The following XKR4 variants were observed in gnomAD, a reference collection of about 807,000 sequenced individuals.
The protein encoded by XKR4 is XK-related protein 4.
XKR4 carries 12 observed loss-of-function variants against 53.9 expected under a neutral mutation model. The ratio of observed to expected loss-of-function variants is 0.22; its 90% confidence interval spans 0.14 to 0.36. XKR4 has a LOEUF of 0.36. Ranked by LOEUF, XKR4 falls within the 10% of genes least tolerant of loss-of-function variation. The probability of loss-of-function intolerance (pLI) is 1.00; values close to 1 mark genes in which losing one functional copy is unlikely to be tolerated. For synonymous variants in XKR4, 354 were observed against 362.4 expected (o/e 0.98, Z 0.26); for missense variants, 799 against 859.5 (o/e 0.93, Z 0.88).
In XKR4 at chr8:55,255,500, G is replaced by T. The variant is rs138383810; in HGVS notation, c.807-102178G>T. ...AATTTATTGTGAATTTCATGAAGGC[G>T]AAGACTGGGTCTTTTGTCTTTGGAT... On this transcript the variant is annotated intron_variant, in intron 1 of 2. Transcript: ENST00000327381. 4.1e-3 allele frequency among the ~76,000 whole-genome samples: 626 copies of T among 152,198 alleles called. 8 individuals are homozygous for T. Among genetic ancestry groups the T allele is most frequent in the African/African-American group, 0.014 (586 of 41,542 alleles).
Position 55,280,512 on chromosome 8 carries a change from C to T in XKR4, c.807-77166C>T, listed in dbSNP as rs116325446. Among the ~76,000 whole-genome samples, 1,389 of 152,252 alleles carry T rather than the reference C, an allele frequency of 9.1e-3. 16 individuals are homozygous for T. Among genetic ancestry groups the T allele is most frequent in the African/African-American group, 0.031 (1,277 of 41,540 alleles). Reference sequence around the variant, plus strand: ...CCTCTAGTCCTATGTGCATCTATCCCCCTCATCTTTCCATGATGATGAGAC... The same window carrying T: ...CCTCTAGTCCTATGTGCATCTATCCTCCTCATCTTTCCATGATGATGAGAC... On this transcript the variant is annotated intron_variant, in intron 1 of 2. Coordinates refer to ENST00000327381, the MANE Select transcript of XKR4 (RefSeq NM_052898.2).
At chr8:55,112,619 G>A (rs1184967498) in intron 1 of XKR4, among the ~76,000 whole-genome samples, 1 of 112,522 alleles carries the variant, frequency 8.9e-6, no homozygotes, top group African/African-American at 3.4e-5. Context: ...TCAAAGCAAA[G>A]GTAGCAATCG....
At chr8:55,359,996 C>G (rs1803876111) in intron 2 of XKR4, among the ~76,000 whole-genome samples, 1 of 152,116 alleles carries the variant, frequency 6.6e-6, no homozygotes, top group Non-Finnish European at 1.5e-5. Context: ...TCGTCCTTAG[C>G]CAAGGCAAGC....
At chr8:55,344,118 C>T (rs1803599438) in intron 1 of XKR4, among the ~76,000 whole-genome samples, 2 of 152,152 alleles carry the variant, frequency 1.3e-5, no homozygotes, top group African/African-American at 4.8e-5. Flanking sequence ...CACAACACCC[C>T]AAGTTGTTAT....
chr8:55,515,395 T>C (rs1806696888), intron 2 of XKR4, among the ~76,000 whole-genome samples: 1 of 152,120 alleles, frequency 6.6e-6, no homozygotes, highest in Non-Finnish European at 1.5e-5. Flanking sequence ...GCATAGAGGT[T>C]GTCGTGTTTT....
chr8:55,182,957 T>C (rs1349721579), intron 1 of XKR4, among the ~76,000 whole-genome samples: 2 of 152,108 alleles, frequency 1.3e-5, no homozygotes, highest in Non-Finnish European at 2.9e-5. Context: ...TTATTTGTCT[T>C]AAAACGTTTG....
At chr8:55,450,790 T>A in intron 2 of XKR4, 1 of 530,084 alleles carries the variant, frequency 1.9e-6, no homozygotes, top group Non-Finnish European at 3.6e-6. Context: ...TGAGAACAGC[T>A]GCACCAAGGA....
At chr8:55,394,234 C>T (rs2975947) in intron 2 of XKR4, among the ~76,000 whole-genome samples, 31 of 151,908 alleles carry the variant, frequency 2.0e-4, no homozygotes, top group East Asian at 5.8e-4. Context: ...TATGCGCTAT[C>T]GATATAAGAA....
chr8:55,234,008 C>A (rs762070391), intron 1 of XKR4, among the ~76,000 whole-genome samples: 2 of 152,182 alleles, frequency 1.3e-5, no homozygotes, highest in African/African-American at 4.8e-5. Flanking sequence ...GGGTCAGTAC[C>A]AAAGCCAATA....
chr8:55,451,775 C>T (rs1183982187), intron 2 of XKR4: 2 of 1,065,698 alleles, frequency 1.9e-6, no homozygotes, highest in African/African-American at 1.5e-5. Flanking sequence ...CTCAGGGGGC[C>T]CAGGCCAAGG....
chr8:55,132,898 T>TG (rs141216853), intron 1 of XKR4, among the ~76,000 whole-genome samples: 4,321 of 152,216 alleles, frequency 0.028, 208 homozygotes, highest in African/African-American at 0.098. Context: ...TGCCATGTGA[T>TG]GGGGGGCCAT....
chr8:55,442,539 T>C, intron 2 of XKR4, among the ~76,000 whole-genome samples: 1 of 152,328 alleles, frequency 6.6e-6, no homozygotes, highest in South Asian at 2.1e-4. Flanking sequence ...TACATTAAAG[T>C]GCATTATTCA....
In XKR4 at chr8:55,531,549, T is replaced by C. The variant is rs1009874671; in HGVS notation, c.*7322T>C. 1 of 152,030 alleles carries C rather than the reference T, an allele frequency of 6.6e-6. No homozygotes were observed. Among genetic ancestry groups the C allele is most frequent in the Non-Finnish European group, 1.5e-5 (1 of 68,000 alleles). 9.4% of individuals were successfully genotyped at this position (152,030 alleles called of 1,614,324 possible). A position where few individuals can be genotyped will look rare whatever the true frequency, so the allele number is the denominator to read the frequency against. Reference sequence around the variant, plus strand: ...GACTGCTTATAAAGAGAAAAGTAATTTTATAATTTGTTTATATGACTCTCC... The same window carrying C: ...GACTGCTTATAAAGAGAAAAGTAATCTTATAATTTGTTTATATGACTCTCC... On this transcript the variant is annotated 3_prime_UTR_variant, in exon 3 of 3. Coordinates refer to ENST00000327381, the MANE Select transcript of XKR4 (RefSeq NM_052898.2).
At chr8:55,476,857 C>T (rs946475348) in intron 2 of XKR4, among the ~76,000 whole-genome samples, 1 of 152,122 alleles carries the variant, frequency 6.6e-6, no homozygotes, top group East Asian at 1.9e-4. Context: ...GGGCACCTGC[C>T]ATTACCCAGG....
chr8:55,227,334 A>T (rs1281107331), intron 1 of XKR4, among the ~76,000 whole-genome samples: 1 of 152,254 alleles, frequency 6.6e-6, no homozygotes, highest in East Asian at 1.9e-4. Context: ...TTTCCAGATC[A>T]TGGTTTCATT....
chr8:55,391,148 G>A (rs531935007), intron 2 of XKR4, among the ~76,000 whole-genome samples: 2 of 152,318 alleles, frequency 1.3e-5, no homozygotes, highest in South Asian at 2.1e-4. Flanking sequence ...CTGGGAGGCA[G>A]TGAAGAAACA....
At chr8:55,395,441 G>A (rs954395336) in intron 2 of XKR4, among the ~76,000 whole-genome samples, 1 of 152,094 alleles carries the variant, frequency 6.6e-6, no homozygotes, top group African/African-American at 2.4e-5. Flanking sequence ...CATAAGTCAT[G>A]TGGCGTCATG....
intron 1 of XKR4, among the ~76,000 whole-genome samples, chr8:55,292,390 TG>T (rs983981821): frequency 6.6e-6 from 1 of 152,152 alleles, no homozygotes; most frequent in African/African-American, 2.4e-5. Flanking sequence ...TAGTGGTTTG[TG>T]TTTTTTTAAG....
chr8:55,451,889 G>A, intron 2 of XKR4: 1 of 846,988 alleles, frequency 1.2e-6, no homozygotes, highest in Non-Finnish European at 2.0e-6. Flanking sequence ...CTGGGCTCCA[G>A]CTCTTCCGAC....
Sources: allele counts gnomAD v4.1 joint callset (sites outside exome capture counted in the v4.1 genomes callset), GRCh38; gene constraint gnomAD v4.1.1; transcripts MANE v1.5; gene names NCBI Gene and HGNC (gene_info 2026-07-23, HGNC 2026-07-21).